CSMD3: variants seen among roughly 807,000 people sequenced by gnomAD.
CSMD3 encodes the protein CUB and Sushi multiple domains 3.
CSMD3 carries 177 observed loss-of-function variants against 435.2 expected under a neutral mutation model. The observed-to-expected ratio is 0.41, with a 90% CI of 0.36 to 0.46. The LOEUF is 0.46. Ranked by LOEUF, CSMD3 falls within the 20% of genes least tolerant of loss-of-function variation. The probability of loss-of-function intolerance (pLI) is 0.34; values close to 1 mark genes in which losing one functional copy is unlikely to be tolerated. For synonymous variants in CSMD3, 1,656 were observed against 1,520.5 expected, an observed-to-expected ratio of 1.09 and a Z score of -2.07; for missense variants, 4,265 against 4,504.6, an observed-to-expected ratio of 0.95 and a Z score of 1.52.
intron 13 of CSMD3, among the ~76,000 whole-genome samples, chr8:112,743,817 T>C (rs2077368899): frequency 6.6e-6 from 1 of 151,986 alleles, no homozygotes; most frequent in South Asian, 2.1e-4. Flanking sequence ...AAACACCTGG[T>C]TCAATTTTGC....
chr8:112,422,193 G>T (rs1812590623), intron 32 of CSMD3, among the ~76,000 whole-genome samples: 1 of 151,728 alleles, frequency 6.6e-6, no homozygotes, highest in South Asian at 2.1e-4. Context: ...AGAAAAGAGT[G>T]AATTATTTTA....
chr8:113,153,134 G>GAAAGAAAGAAAGAGAAA, intron 4 of CSMD3, among the ~76,000 whole-genome samples: 1 of 94,084 alleles, frequency 1.1e-5, no homozygotes, highest in African/African-American at 6.4e-5. Flanking sequence ...AGAGAAAGAA[G>GAAAGAAAGAAAGAGAAA]GAAGGAAGGA....
intron 28 of CSMD3, among the ~76,000 whole-genome samples, chr8:112,516,022 A>C (rs943437903): frequency 6.6e-6 from 1 of 152,088 alleles, no homozygotes; most frequent in Non-Finnish European, 1.5e-5. Flanking sequence ...GGTAAAATAA[A>C]TCTGAATAAT....
Position 112,328,059 on chromosome 8 carries a change from A to G in CSMD3, c.7165+7270T>C, listed in dbSNP as rs896011732. The stretch of plus-strand genomic sequence containing the variant: ...GCACAAGCACATAACCTTTCTGCCA[A>G]GTAAGGACACAGTATTCCTTACAGA... On this transcript the variant is annotated intron_variant, in intron 45 of 70. Coordinates refer to ENST00000297405, the MANE Select transcript of CSMD3 (RefSeq NM_198123.2). 8.5e-5 allele frequency among the ~76,000 whole-genome samples: 13 copies of G among 152,204 alleles called. No individual in the cohort carries two copies. In the East Asian group the frequency reaches 2.5e-3, roughly 29 times the overall value.
intron 47 of CSMD3, among the ~76,000 whole-genome samples, chr8:112,317,357 A>C (rs2130852426): frequency 6.6e-6 from 1 of 152,150 alleles, no homozygotes; most frequent in African/African-American, 2.4e-5. Context: ...AAAAACAAGA[A>C]GCTTGCTCTC....
At chr8:112,475,350 C>T (rs994831382) in intron 31 of CSMD3, among the ~76,000 whole-genome samples, 3 of 152,046 alleles carry the variant, frequency 2.0e-5, no homozygotes, top group Admixed American at 1.3e-4. Flanking sequence ...TATGAAGGCT[C>T]TTTTAAACTA....
chr8:112,547,364 C>T (rs1827270931), intron 27 of CSMD3, among the ~76,000 whole-genome samples: 1 of 151,618 alleles, frequency 6.6e-6, no homozygotes. Flanking sequence ...GCCTGGCCGA[C>T]GTAATGAGAC....
At chr8:112,468,234 A>AT (rs771573736) in intron 32 of CSMD3, among the ~76,000 whole-genome samples, 1,111 of 93,690 alleles carry the variant, frequency 0.012, 18 homozygotes, top group South Asian at 0.062. Flanking sequence ...TGCCTAAAGT[A>AT]TTTTTTTTTT....
intron 32 of CSMD3, among the ~76,000 whole-genome samples, chr8:112,413,689 A>G (rs1196121468): frequency 6.6e-6 from 1 of 152,204 alleles, no homozygotes; most frequent in Non-Finnish European, 1.5e-5. Context: ...TGCTTAGAAC[A>G]TGAATAAATA....
At chr8:112,592,870 T>C (rs550239245) in intron 22 of CSMD3, among the ~76,000 whole-genome samples, 8 of 152,218 alleles carry the variant, frequency 5.3e-5, no homozygotes, top group African/African-American at 1.9e-4. Context: ...GAGGCAGACA[T>C]GGAAACTGGT....
intron 36 of CSMD3, among the ~76,000 whole-genome samples, chr8:112,383,906 T>A (rs2131257730): frequency 6.6e-6 from 1 of 152,326 alleles, no homozygotes; most frequent in African/African-American, 2.4e-5. Context: ...ACCAGAGCAA[T>A]GTCTGTCACT....
chr8:112,395,647 G>C (rs1830794456), intron 35 of CSMD3, among the ~76,000 whole-genome samples: 2 of 151,938 alleles, frequency 1.3e-5, no homozygotes, highest in East Asian at 1.9e-4. Flanking sequence ...CAGCTTCCAG[G>C]GCTTTTCAAA....
At chr8:113,145,908 T>C (rs1257674769) in intron 4 of CSMD3, among the ~76,000 whole-genome samples, 2 of 151,566 alleles carry the variant, frequency 1.3e-5, no homozygotes. Flanking sequence ...TGAAACAGTT[T>C]ATAATATATT....
chr8:113,017,181 C>T (rs994468157), intron 6 of CSMD3, among the ~76,000 whole-genome samples: 1 of 151,920 alleles, frequency 6.6e-6, no homozygotes, highest in Non-Finnish European at 1.5e-5. Flanking sequence ...ACATCTTTTC[C>T]ATTTTACTAC....
At chr8:113,138,875 G>GTA (rs537392135) in intron 4 of CSMD3, among the ~76,000 whole-genome samples, 37 of 149,546 alleles carry the variant, frequency 2.5e-4, no homozygotes, top group South Asian at 2.1e-3. Flanking sequence ...CTGAATATAT[G>GTA]TATATATATA....
intron 17 of CSMD3, among the ~76,000 whole-genome samples, chr8:112,657,508 T>C (rs890743648): frequency 1.4e-4 from 22 of 152,206 alleles, no homozygotes; most frequent in African/African-American, 5.3e-4. Flanking sequence ...CTTTAAAACA[T>C]ATTAATTTAT....
At chr8:112,451,838 C>G (rs926573889) in intron 32 of CSMD3, among the ~76,000 whole-genome samples, 1 of 151,978 alleles carries the variant, frequency 6.6e-6, no homozygotes, top group African/African-American at 2.4e-5. Context: ...GCGCCTGGCC[C>G]CAAAGATTTT....
intron 3 of CSMD3, among the ~76,000 whole-genome samples, chr8:113,262,962 G>C (rs2132365515): frequency 6.6e-6 from 1 of 152,062 alleles, no homozygotes; most frequent in South Asian, 2.1e-4. Context: ...GTGGTCGTTT[G>C]TTATGCAGCA....
intron 3 of CSMD3, among the ~76,000 whole-genome samples, chr8:113,217,828 T>A (rs1187428679): frequency 2.0e-5 from 3 of 151,190 alleles, no homozygotes; most frequent in Admixed American, 1.3e-4. Flanking sequence ...CTACTAAATT[T>A]GTTTAAAATA....
Sources: allele counts gnomAD v4.1 joint callset (sites outside exome capture counted in the v4.1 genomes callset), GRCh38; gene constraint gnomAD v4.1.1; transcripts MANE v1.5; gene names NCBI Gene and HGNC (gene_info 2026-07-23, HGNC 2026-07-21).